The following MELK variants were observed in gnomAD, a reference collection of about 807,000 sequenced individuals.
MELK encodes pEg3 kinase.
A neutral mutation model predicts 85.0 loss-of-function variants in MELK; 81 were observed. That is an observed-to-expected ratio of 0.95 (90% CI 0.80 to 1.15). MELK has a LOEUF of 1.15. Ranked by LOEUF, MELK falls within the 50% of genes most tolerant of loss-of-function variation. The pLI is 0.00. For synonymous variants in MELK, 252 were observed against 265.0 expected (o/e 0.95, Z 0.48); for missense variants, 754 against 777.5 (o/e 0.97, Z 0.36).
Position 36,660,567 on chromosome 9 carries a change from C to T in MELK, c.1176+3204C>T, listed in dbSNP as rs552901831. Among the ~76,000 whole-genome samples, 13 of 152,092 alleles carry T rather than the reference C, an allele frequency of 8.5e-5. No individual in the cohort carries two copies. The South Asian group carries it at 2.5e-3, about 29-fold the overall frequency. ...AAACTCCTGGACTCAAGAGATCCAC[C>T]CGCGTTGGCCTCCCAAAGTGCTGGG... On this transcript the variant is annotated intron_variant, in intron 13 of 17. Transcript: ENST00000298048.
At chr9:36,576,148 C>T (rs1821627138) in intron 1 of MELK, among the ~76,000 whole-genome samples, 1 of 152,160 alleles carries the variant, frequency 6.6e-6, no homozygotes, top group Non-Finnish European at 1.5e-5. Flanking sequence ...ATAAATTTGT[C>T]CTCTGTGATA....
chr9:36,616,483 A>G (rs938376272), intron 8 of MELK, among the ~76,000 whole-genome samples: 9 of 148,378 alleles, frequency 6.1e-5, no homozygotes, highest in Admixed American at 5.4e-4. Flanking sequence ...TCTACCTCCC[A>G]GGTTCAAGCG....
At chr9:36,666,857 GT>G in intron 14 of MELK, among the ~76,000 whole-genome samples, 1 of 3,980 alleles carries the variant, frequency 2.5e-4, no homozygotes, top group African/African-American at 4.7e-4. Flanking sequence ...CTGTGTTTGT[GT>G]GTGTGTGTGT....
At chr9:36,596,860 A>G (rs1328101184) in intron 5 of MELK, among the ~76,000 whole-genome samples, 1 of 152,242 alleles carries the variant, frequency 6.6e-6, no homozygotes, top group Non-Finnish European at 1.5e-5. Flanking sequence ...TGCTGGGATT[A>G]CAGGCGTGAG....
In MELK at chr9:36,637,073, C is replaced by T. The variant is rs893422397; in HGVS notation, c.834+3873C>T. ...GGTCTCGATCTCCTGACCTTGTTAT[C>T]CGCCTGCCTCGGCCTCCCAAAGTGC... On this transcript the variant is annotated intron_variant, in intron 10 of 17. Coordinates refer to ENST00000298048, the MANE Select transcript of MELK (RefSeq NM_014791.4). 5.9e-5 allele frequency among the ~76,000 whole-genome samples: 9 copies of T among 151,518 alleles called. 1 individual carries two copies. The highest frequency in any genetic ancestry group is 5.3e-4 in the Admixed American group (8 of 15,196).
chr9:36,669,112 A>G (rs1832652364), intron 14 of MELK, among the ~76,000 whole-genome samples, 198 bp from the exon 15 acceptor site: 1 of 152,248 alleles, frequency 6.6e-6, no homozygotes, highest in African/African-American at 2.4e-5. Flanking sequence ...ACACATACAA[A>G]GCAAAATGAT....
chr9:36,673,439 A>T (rs1833068004), intron 16 of MELK, among the ~76,000 whole-genome samples: 1 of 152,064 alleles, frequency 6.6e-6, no homozygotes, highest in South Asian at 2.1e-4. Context: ...ATTTGTTGTT[A>T]ATTTTTTGAG....
At chr9:36,640,755 G>T (rs1829680772) in intron 10 of MELK, among the ~76,000 whole-genome samples, 1 of 152,148 alleles carries the variant, frequency 6.6e-6, no homozygotes, top group Non-Finnish European at 1.5e-5. Flanking sequence ...TTGGCCTGGG[G>T]CCTCTTTTAT....
chr9:36,668,677 T>G (rs1375560280), intron 14 of MELK, among the ~76,000 whole-genome samples: 1 of 151,926 alleles, frequency 6.6e-6, no homozygotes, highest in Non-Finnish European at 1.5e-5. Flanking sequence ...CACGCCCAGC[T>G]AATTTTTTTG....
intron 13 of MELK, among the ~76,000 whole-genome samples, chr9:36,658,632 C>T (rs1831487097): frequency 6.6e-6 from 1 of 152,114 alleles, no homozygotes. Context: ...TACGTCTGGA[C>T]TTCTTCAAGG....
In MELK at chr9:36,657,363, G is replaced by C; in HGVS notation, c.1176G>C (p.Gln392His). 2 of 1,602,144 alleles carry C rather than the reference G, an allele frequency of 1.2e-6. No homozygotes were observed. The highest frequency in any genetic ancestry group is 8.5e-7 in the Non-Finnish European group (1 of 1,176,408). The part of the protein sequence containing the change: ...STGAATPRTS[Q>H]FTKYWTESNG... ...GTGCTGCTACTCCCCGAACATCACAGGTTCGTCATTCTTATTACTATTTAA... is the reference window on the plus strand; with the variant it reads ...GTGCTGCTACTCCCCGAACATCACACGTTCGTCATTCTTATTACTATTTAA... The change falls in exon 13 of 18, where the codon CAG becomes CAC. Residue 392 changes from glutamine (Q) to histidine (H), a missense_variant and splice_region_variant. By Grantham distance (24) the Gln-to-His change is conservative (BLOSUM62 0). Coordinates refer to ENST00000298048, the MANE Select transcript of MELK (RefSeq NM_014791.4).
At chr9:36,654,688 C>T (rs929314802) in intron 12 of MELK, among the ~76,000 whole-genome samples, 5 of 151,954 alleles carry the variant, frequency 3.3e-5, no homozygotes, top group South Asian at 2.1e-4. Context: ...GGCCTGGTCT[C>T]AATTGATCTG....
chr9:36,612,490 A>G (rs977624344), intron 8 of MELK, among the ~76,000 whole-genome samples: 1 of 152,094 alleles, frequency 6.6e-6, no homozygotes, highest in Non-Finnish European at 1.5e-5. Flanking sequence ...GGTTCAAGCA[A>G]TTCTCCTGCC....
intron 8 of MELK, among the ~76,000 whole-genome samples, chr9:36,620,400 A>G (rs1827278317): frequency 6.6e-6 from 1 of 152,166 alleles, no homozygotes; most frequent in South Asian, 2.1e-4. Context: ...AAGGATACTT[A>G]CTGGTCCTTG....
chr9:36,655,025 A>G (rs535223583), intron 12 of MELK, among the ~76,000 whole-genome samples: 9 of 152,308 alleles, frequency 5.9e-5, no homozygotes, highest in African/African-American at 2.2e-4. Flanking sequence ...CAATCAATCA[A>G]TAGGTGGCCC....
rs1033573692 is a variant in MELK at position 36,657,192 on chromosome 9, T to G, written c.1054-49T>G. On this transcript the variant is annotated intron_variant, in intron 12 of 17. Transcript: ENST00000298048. ...TGACGCGTGACTGTATTTTAAATAT[T>G]GAATCATAGTACTGTCATCTTTAAG... 3 of 1,556,932 alleles carry G rather than the reference T, an allele frequency of 1.9e-6. No homozygotes were observed. The African/African-American group carries it at 4.1e-5, about 21-fold the overall frequency.
At chr9:36,654,349 C>CTTTTTTTTT (rs34436735) in intron 12 of MELK, among the ~76,000 whole-genome samples, 10 of 84,146 alleles carry the variant, frequency 1.2e-4, no homozygotes, top group Non-Finnish European at 1.9e-4. Flanking sequence ...ATTGGATTGT[C>CTTTTTTTTT]TTTTTTTTTT....
rs1437728779 is a variant in MELK at position 36,646,659 on chromosome 9, T to TCACACAGAA, written c.921+3580_921+3581insCAGAACACA. On this transcript the variant is annotated intron_variant, in intron 11 of 17. Transcript: ENST00000298048. ...TCTGCTAGGGGACCTTCACTAAGGG[T>TCACACAGAA]CACATGTGTGTTCGAGAACCTATTC... is the stretch of plus-strand genomic sequence containing the variant. Among the ~76,000 whole-genome samples the TCACACAGAA allele has an allele frequency of 5.3e-5, 8 of 152,242 alleles. No individual in the cohort carries two copies. In the South Asian group the frequency reaches 1.7e-3, roughly 32 times the overall value.
intron 8 of MELK, among the ~76,000 whole-genome samples, chr9:36,627,063 C>CAG (rs1828007243): frequency 6.7e-6 from 1 of 150,304 alleles, no homozygotes. Context: ...AACACACACA[C>CAG]ACACACACAC....
Sources: gnomAD v4.1 joint callset for allele counts (sites outside exome capture counted in the v4.1 genomes callset) on GRCh38, gnomAD v4.1.1 for gene constraint, MANE v1.5 for transcripts, NCBI Gene and HGNC (gene_info 2026-07-23, HGNC 2026-07-21) for gene names.